Variants in NAALADL2 observed in about 807,000 individuals in gnomAD.
The protein encoded by NAALADL2 is inactive N-acetylated-alpha-linked acidic dipeptidase-like protein 2.
NAALADL2 carries 76 observed loss-of-function variants against 87.2 expected under a neutral mutation model. The observed-to-expected ratio is 0.87, with a 90% confidence interval of 0.72 to 1.05. The LOEUF is 1.05. Among genes scored for constraint, NAALADL2 ranks in the 50% least tolerant of loss-of-function variants. The pLI is 0.00. For synonymous variants in NAALADL2, 354 were observed against 331.0 expected (o/e 1.07, Z -0.75); for missense variants, 1,089 against 945.8 (o/e 1.15, Z -1.99).
rs753546966 is a variant in NAALADL2 at position 175,097,236 on chromosome 3, T to A, written c.490T>A (p.Leu164Ile). The change falls in exon 2 of 14, where the codon TTA becomes ATA. Residue 164 changes from leucine to isoleucine, a missense_variant. Coordinates refer to ENST00000454872, the MANE Select transcript of NAALADL2 (RefSeq NM_207015.3). The part of the protein sequence containing the change: ...APSSGTVDPQ[L>I]YQEILKTIQA... Reference sequence around the variant, plus strand: ...ATCTTCAGGAACAGTTGATCCTCAGTTATATCAAGAGATTCTCAAGACAAT... The same window carrying A: ...ATCTTCAGGAACAGTTGATCCTCAGATATATCAAGAGATTCTCAAGACAAT... 1 of 1,613,320 alleles carries A rather than the reference T, an allele frequency of 6.2e-7. No individual in the cohort carries two copies. Among genetic ancestry groups the A allele is most frequent in the South Asian group, 1.1e-5 (1 of 91,066 alleles).
intron 2 of NAALADL2, among the ~76,000 whole-genome samples, chr3:174,589,694 G>A (rs934728332): frequency 6.6e-6 from 1 of 152,114 alleles, no homozygotes; most frequent in Non-Finnish European, 1.5e-5. Flanking sequence ...GGTAGGGAGA[G>A]CCAATAAACA....
rs573298060 is a variant in NAALADL2, at chr3:174,756,135, A to G, written c.-9+18389A>G. Among the ~76,000 whole-genome samples the G allele has an allele frequency of 2.6e-5, 4 of 152,358 alleles. No individual in the cohort carries two copies. The South Asian group carries it at 8.3e-4, about 32-fold the overall frequency. Reference sequence around the variant, plus strand: ...TGTCTGTATTACGTACAATGATTGTAAAGCACTGCAGTGAGACTTTTAAAC... The same window carrying G: ...TGTCTGTATTACGTACAATGATTGTGAAGCACTGCAGTGAGACTTTTAAAC... On this transcript the variant is annotated intron_variant, in intron 3 of 3. Transcript: ENST00000434257.
At chr3:174,696,752 C>A (rs999608566) in intron 2 of NAALADL2, among the ~76,000 whole-genome samples, 2 of 151,878 alleles carry the variant, frequency 1.3e-5, no homozygotes, top group African/African-American at 4.8e-5. Flanking sequence ...TAACTGCTTT[C>A]ATTTGAAATA....
In NAALADL2 at chr3:175,419,986, T is replaced by C. The variant is rs183276383; in HGVS notation, c.1091-27243T>C. 3.5e-4 allele frequency among the ~76,000 whole-genome samples: 53 copies of C among 152,108 alleles called. 1 individual carries two copies. The Middle Eastern group carries it at 0.01, about 29-fold the overall frequency. ...TGAAGAATAAAAAATACTCTGAATT[T>C]TTTTAATGAAAGTTCAGGGATGGAG... is the stretch of plus-strand genomic sequence containing the variant. On this transcript the variant is annotated intron_variant, in intron 5 of 13. Transcript: ENST00000454872.
At chr3:174,741,575 G>A (rs142042288) in intron 3 of NAALADL2, among the ~76,000 whole-genome samples, 13 of 151,324 alleles carry the variant, frequency 8.6e-5, no homozygotes, top group African/African-American at 2.9e-4. Context: ...AGCTTGTAGC[G>A]GTTTTCTTTC....
intron 11 of NAALADL2, among the ~76,000 whole-genome samples, chr3:175,673,993 A>T (rs1427882644): frequency 6.6e-6 from 1 of 152,040 alleles, no homozygotes; most frequent in East Asian, 1.9e-4. Context: ...GTTTTCAAAG[A>T]TCCCTATAAT....
chr3:174,594,422 C>T (rs1343795429), intron 2 of NAALADL2, among the ~76,000 whole-genome samples: 2 of 152,172 alleles, frequency 1.3e-5, no homozygotes, highest in Non-Finnish European at 2.9e-5. Context: ...CCTGATACCT[C>T]TAATCAAAGA....
intron 1 of NAALADL2, among the ~76,000 whole-genome samples, chr3:175,012,162 T>TTTTA (rs751255238): frequency 1.1e-3 from 173 of 152,162 alleles, no homozygotes; most frequent in Middle Eastern, 0.01. Context: ...TTGTGAATTA[T>TTTTA]TTTATTTATT....
intron 13 of NAALADL2, among the ~76,000 whole-genome samples, chr3:175,795,224 A>C (rs1560024466): frequency 6.6e-6 from 1 of 152,194 alleles, no homozygotes; most frequent in Non-Finnish European, 1.5e-5. Flanking sequence ...TTATGTGAAA[A>C]TTCCATCTGT....
chr3:175,166,132 G>A (rs1733971427), intron 2 of NAALADL2, among the ~76,000 whole-genome samples: 1 of 150,032 alleles, frequency 6.7e-6, no homozygotes, highest in South Asian at 2.1e-4. Flanking sequence ...ATTGTTATAT[G>A]CTGATATGTT....
chr3:175,594,139 C>T (rs79915338), intron 10 of NAALADL2, among the ~76,000 whole-genome samples: 85 of 152,170 alleles, frequency 5.6e-4, no homozygotes, highest in African/African-American at 1.4e-3. Flanking sequence ...AACCCACGCA[C>T]GCCTCCTTGG....
intron 3 of NAALADL2, among the ~76,000 whole-genome samples, chr3:174,787,132 T>C (rs1367587079): frequency 6.6e-6 from 1 of 151,984 alleles, no homozygotes. Flanking sequence ...AAATGACCCA[T>C]TTTATGAATA....
intron 6 of NAALADL2, 22 bp downstream of exon 6, chr3:175,447,394 T>C: frequency 6.6e-7 from 1 of 1,508,308 alleles, no homozygotes; most frequent in Non-Finnish European, 8.9e-7. Context: ...AATGTCGTTC[T>C]CTGTATTTTA....
At position 175,097,173 on chromosome 3, in the gene NAALADL2, G is replaced by A; in HGVS notation, c.427G>A (p.Gly143Ser). 1.2e-6 allele frequency: 2 copies of A among 1,613,744 alleles called. No individual in the cohort carries two copies. The highest frequency in any genetic ancestry group is 2.2e-5 in the South Asian group (2 of 91,084). ...TILFIFGILI[G>S]YYVHTNCPSD... is the part of the protein sequence containing the mutation. ...TTTATTTATTTTTGGGATTTTGATA[G>A]GTTATTATGTACATACAAATTGCCC... Residue 143 changes from glycine to serine, a missense_variant, in exon 2 of 14, where the codon GGT (glycine) becomes AGT (serine). Coordinates refer to ENST00000454872, the MANE Select transcript of NAALADL2 (RefSeq NM_207015.3).
intron 2 of NAALADL2, among the ~76,000 whole-genome samples, chr3:174,585,673 A>G (rs1716634379): frequency 6.7e-6 from 1 of 150,338 alleles, no homozygotes; most frequent in Non-Finnish European, 1.5e-5. Flanking sequence ...TTTTTTTTTT[A>G]CTTAAAGAAT....
intron 1 of NAALADL2, among the ~76,000 whole-genome samples, chr3:174,514,231 T>C (rs77772745): frequency 0.058 from 8,840 of 152,262 alleles, 372 homozygotes; most frequent in South Asian, 0.12. Flanking sequence ...TTTTATATTT[T>C]AATGTTTTAA....
At chr3:174,517,472 C>T (rs1299365893) in intron 1 of NAALADL2, among the ~76,000 whole-genome samples, 1 of 151,950 alleles carries the variant, frequency 6.6e-6, no homozygotes, top group Non-Finnish European at 1.5e-5. Context: ...AGTGTTTCTG[C>T]TTTTACTTTT....
intron 3 of NAALADL2, among the ~76,000 whole-genome samples, chr3:175,252,876 C>A (rs114195070): frequency 0.013 from 1,976 of 152,220 alleles, 28 homozygotes; most frequent in Non-Finnish European, 0.021. Flanking sequence ...CCAGAGCAAG[C>A]CCCTAACTCT....
chr3:174,751,055 CTTAT>C (rs1007924051), intron 3 of NAALADL2, among the ~76,000 whole-genome samples: 4 of 151,826 alleles, frequency 2.6e-5, no homozygotes, highest in Non-Finnish European at 4.4e-5. Flanking sequence ...ATTTTTAAAT[CTTAT>C]TTATTTATTT....
Sources: gnomAD v4.1 joint callset for allele counts (sites outside exome capture counted in the v4.1 genomes callset) on GRCh38, gnomAD v4.1.1 for gene constraint, MANE v1.5 for transcripts, NCBI Gene and HGNC (gene_info 2026-07-23, HGNC 2026-07-21) for gene names.